Variants in PLD5 observed in about 807,000 individuals in gnomAD.
The protein encoded by PLD5 is inactive phospholipase D5.
Under a neutral mutation model 61.1 loss-of-function variants are expected in PLD5, and 36 were observed. The observed-to-expected ratio is 0.59, with a 90% confidence interval of 0.45 to 0.78. The LOEUF is 0.78. Ranked by LOEUF, PLD5 falls within the 30% of genes least tolerant of loss-of-function variation. The pLI, the probability that PLD5 is intolerant of heterozygous loss-of-function variation, is 0.00. For missense variants in PLD5, 515 were observed against 644.4 expected, an observed-to-expected ratio of 0.80 and a Z score of 2.17; for synonymous variants, 243 against 242.8, an observed-to-expected ratio of 1.00 and a Z score of -0.01.
At chr1:242,097,864 GT>G (rs1214528504) in intron 9 of PLD5, among the ~76,000 whole-genome samples, 1 of 152,156 alleles carries the variant, frequency 6.6e-6, no homozygotes, top group African/African-American at 2.4e-5. Context: ...TTCTTCTAGG[GT>G]TTTTGTGGTT....
At chr1:242,253,305 CTT>C (rs1181235404) in intron 4 of PLD5, among the ~76,000 whole-genome samples, 3,964 of 70,676 alleles carry the variant, frequency 0.056, 289 homozygotes, top group African/African-American at 0.19. Flanking sequence ...CCTCTCTTCA[CTT>C]TTTTTTTTTT....
chr1:242,183,905 A>C (rs1173916338), intron 5 of PLD5, among the ~76,000 whole-genome samples: 2 of 147,226 alleles, frequency 1.4e-5, no homozygotes, highest in Non-Finnish European at 3.0e-5. Flanking sequence ...AAAATAAATA[A>C]ATAAATAAAA....
intron 5 of PLD5, among the ~76,000 whole-genome samples, chr1:242,175,950 G>A (rs573812537): frequency 3.3e-5 from 5 of 152,102 alleles, no homozygotes; most frequent in Non-Finnish European, 7.4e-5. Flanking sequence ...ACAAACAAAT[G>A]GAAAAACATC....
intron 4 of PLD5, among the ~76,000 whole-genome samples, chr1:242,229,242 C>A (rs907923202): frequency 1.1e-4 from 17 of 152,088 alleles, no homozygotes; most frequent in Non-Finnish European, 1.2e-4. Context: ...TTCCACATTC[C>A]CCATGAATCC....
At chr1:242,152,621 T>C (rs1286513105) in intron 5 of PLD5, among the ~76,000 whole-genome samples, 4 of 152,092 alleles carry the variant, frequency 2.6e-5, no homozygotes, top group Non-Finnish European at 5.9e-5. Flanking sequence ...TTTTCTGTTC[T>C]TGTGTTAGTT....
At chr1:242,320,299 T>C (rs1452770428) in intron 2 of PLD5, among the ~76,000 whole-genome samples, 2 of 152,228 alleles carry the variant, frequency 1.3e-5, no homozygotes, top group African/African-American at 2.4e-5. Flanking sequence ...TATCTACTTG[T>C]AGACATTTTT....
chr1:242,385,457 T>G (rs549090707), intron 1 of PLD5, among the ~76,000 whole-genome samples: 31 of 152,300 alleles, frequency 2.0e-4, no homozygotes, highest in African/African-American at 6.7e-4. Context: ...CCTTTCCACC[T>G]CCACATTCTC....
intron 4 of PLD5, among the ~76,000 whole-genome samples, chr1:242,220,902 A>G (rs1670547327): frequency 6.6e-6 from 1 of 151,850 alleles, no homozygotes; most frequent in Non-Finnish European, 1.5e-5. Flanking sequence ...ATGCCCGGCT[A>G]ATTTTTGTAC....
chr1:242,500,447 A>C (rs2256384), intron 1 of PLD5, among the ~76,000 whole-genome samples: 8,502 of 152,168 alleles, frequency 0.056, 499 homozygotes, highest in African/African-American at 0.15. Flanking sequence ...CTAGCAAGAC[A>C]TTTGCTAGGA....
intron 5 of PLD5, among the ~76,000 whole-genome samples, chr1:242,164,791 A>T (rs1225393104): frequency 6.6e-6 from 1 of 152,182 alleles, no homozygotes; most frequent in Non-Finnish European, 1.5e-5. Flanking sequence ...CTTAGTATAC[A>T]GTTGCTTAGC....
At chr1:242,352,338 G>T (rs905865522) in intron 1 of PLD5, among the ~76,000 whole-genome samples, 1 of 152,146 alleles carries the variant, frequency 6.6e-6, no homozygotes, top group South Asian at 2.1e-4. Flanking sequence ...TTATCACTTA[G>T]CATATGTTCT....
At chr1:242,413,577 C>T (rs779938112) in intron 1 of PLD5, among the ~76,000 whole-genome samples, 16 of 152,192 alleles carry the variant, frequency 1.1e-4, no homozygotes, top group Non-Finnish European at 1.8e-4. Context: ...CACTCACAAA[C>T]GACTTCCAGT....
At chr1:242,191,835 G>C (rs1278242680) in intron 5 of PLD5, among the ~76,000 whole-genome samples, 1 of 151,770 alleles carries the variant, frequency 6.6e-6, no homozygotes, top group South Asian at 2.1e-4. Context: ...GAGGGAAGGA[G>C]GGGGTACAGA....
chr1:242,487,523 A>C (rs1415899302), intron 1 of PLD5, among the ~76,000 whole-genome samples: 1 of 152,238 alleles, frequency 6.6e-6, no homozygotes, highest in Non-Finnish European at 1.5e-5. Context: ...CACAATCCAC[A>C]AAAGAAGTAA....
At position 242,085,438 on chromosome 1, in the gene PLD5, AAGAC is replaced by A. The variant is rs1659403321; in HGVS notation, c.*4412_*4415del. ...AAGATGGGAATTCTCTCAAATGAGA[AAGAC>A]AGGCTGCGAACTGGGGTTGATGTCA... On this transcript the variant is annotated 3_prime_UTR_variant, in exon 10 of 10. Coordinates refer to ENST00000536534, the MANE Select transcript of PLD5 (RefSeq NM_001372062.1). 1.3e-5 allele frequency: 2 copies of A among 152,236 alleles called. No homozygotes were observed. Among genetic ancestry groups the A allele is most frequent in the South Asian group, 2.1e-4 (1 of 4,838 alleles). 9.4% of individuals were successfully genotyped at this position (152,236 alleles called of 1,614,324 possible).
chr1:242,314,153 C>G (rs1676871598), intron 2 of PLD5, among the ~76,000 whole-genome samples: 1 of 152,140 alleles, frequency 6.6e-6, no homozygotes, highest in African/African-American at 2.4e-5. Flanking sequence ...AGTGGCTAAG[C>G]CTTGGTGAAT....
At chr1:242,168,154 G>A (rs889789471) in intron 5 of PLD5, among the ~76,000 whole-genome samples, 4 of 152,106 alleles carry the variant, frequency 2.6e-5, no homozygotes, top group African/African-American at 7.2e-5. Context: ...GTTAACAATC[G>A]CCTTTAAAGA....
chr1:242,242,038 CACACACAT>C lies in PLD5; in HGVS notation c.608-21931_608-21924del, dbSNP rs1419094346. Among the ~76,000 whole-genome samples the C allele has an allele frequency of 3.6e-3, 530 of 147,706 alleles. 2 individuals carry two copies. Among genetic ancestry groups the C allele is most frequent in the African/African-American group, 0.012 (483 of 40,206 alleles). On this transcript the variant is annotated intron_variant, in intron 4 of 9. Transcript: ENST00000536534. ...ACACACACACACACACACACACACA[CACACACAT>C]ATGGTTGATGGAGAGAAGGATGTGG...
At chr1:242,128,967 C>T (rs1041754826) in intron 5 of PLD5, among the ~76,000 whole-genome samples, 5 of 152,162 alleles carry the variant, frequency 3.3e-5, no homozygotes, top group Non-Finnish European at 5.9e-5. Flanking sequence ...AACATAAAAA[C>T]GCTTCTGTAA....
Sources: allele counts gnomAD v4.1 joint callset (sites outside exome capture counted in the v4.1 genomes callset), GRCh38; gene constraint gnomAD v4.1.1; transcripts MANE v1.5; gene names NCBI Gene and HGNC (gene_info 2026-07-23, HGNC 2026-07-21).